The following RPS6KC1 variants were observed in gnomAD, a reference collection of about 807,000 sequenced individuals.
RPS6KC1 encodes the protein inactive ribosomal protein S6 kinase delta-1.
Under a neutral mutation model 103.8 loss-of-function variants are expected in RPS6KC1, and 54 were observed. The observed-to-expected ratio is 0.52, with a 90% CI of 0.42 to 0.65. The LOEUF is 0.65. RPS6KC1 is among the 30% of genes least tolerant of loss of function. The pLI, the probability that RPS6KC1 is intolerant of heterozygous loss-of-function variation, is 0.00. For synonymous variants in RPS6KC1, 439 were observed against 438.7 expected, an observed-to-expected ratio of 1.00 and a Z score of -0.01; for missense variants, 1,151 against 1,253.8, an observed-to-expected ratio of 0.92 and a Z score of 1.24.
intron 10 of RPS6KC1, among the ~76,000 whole-genome samples, chr1:213,235,284 G>C (rs1269323735): frequency 1.3e-5 from 2 of 152,166 alleles, no homozygotes; most frequent in Non-Finnish European, 2.9e-5. Context: ...CTGGGACACA[G>C]ACATAGTTCT....
the RPS6KC1 span, among the ~76,000 whole-genome samples, chr1:213,300,978 C>G: frequency 6.6e-6 from 1 of 152,136 alleles, no homozygotes; most frequent in Non-Finnish European, 1.5e-5. Flanking sequence ...CACACTCCAC[C>G]CTCACCCTGC....
At chr1:213,847,257 C>A in the RPS6KC1 span, among the ~76,000 whole-genome samples, 1 of 152,186 alleles carries the variant, frequency 6.6e-6, no homozygotes, top group African/African-American at 2.4e-5. Flanking sequence ...AGCAGGACTA[C>A]ATTTTCTACC....
At chr1:213,143,682 CATTTTA>C (rs1233083397) in intron 6 of RPS6KC1, among the ~76,000 whole-genome samples, 1 of 151,948 alleles carries the variant, frequency 6.6e-6, no homozygotes, top group Admixed American at 6.6e-5. Flanking sequence ...TTTTAAATCT[CATTTTA>C]TTAGTTTTCT....
At chr1:213,088,764 G>GTTCTGAATGATCTGAAGTAA (rs2080680138) in intron 3 of RPS6KC1, among the ~76,000 whole-genome samples, 4 of 152,186 alleles carry the variant, frequency 2.6e-5, no homozygotes, top group Non-Finnish European at 5.9e-5. Flanking sequence ...TTTAGGAAGA[G>GTTCTGAATGATCTGAAGTAA]TTCTGAATGA....
At chr1:213,318,020 C>T in the RPS6KC1 span, among the ~76,000 whole-genome samples, 1 of 152,356 alleles carries the variant, frequency 6.6e-6, no homozygotes, top group South Asian at 2.1e-4. Flanking sequence ...TCCTCTTGCC[C>T]AGCTTTGTGC....
intron 3 of RPS6KC1, among the ~76,000 whole-genome samples, chr1:213,097,810 C>T (rs959840857): frequency 9.2e-5 from 14 of 152,298 alleles, no homozygotes; most frequent in East Asian, 3.9e-4. Flanking sequence ...TTTTATGTTA[C>T]GGTGATGGCT....
At chr1:213,339,953 C>T in the RPS6KC1 span, among the ~76,000 whole-genome samples, 7 of 152,118 alleles carry the variant, frequency 4.6e-5, no homozygotes, top group Admixed American at 2.0e-4. Flanking sequence ...AGTGCAATGG[C>T]GCGATCTTGG....
chr1:213,768,233 C>T, the RPS6KC1 span, among the ~76,000 whole-genome samples: 58 of 152,224 alleles, frequency 3.8e-4, no homozygotes, highest in Admixed American at 1.6e-3. Context: ...ACACTCCTGA[C>T]GCTGACCAGT....
intron 6 of RPS6KC1, among the ~76,000 whole-genome samples, chr1:213,160,753 A>G (rs1431287505): frequency 6.6e-6 from 1 of 152,064 alleles, no homozygotes; most frequent in Non-Finnish European, 1.5e-5. Context: ...GCAAGGACAC[A>G]AAACCAAACA....
chr1:213,232,225 T>C lies in RPS6KC1; in HGVS notation c.1195T>C (p.Ser399Pro). The change falls in exon 10 of 15, where the codon TCA (serine) becomes CCA (proline). Residue 399 changes from serine (S) to proline (P), a missense_variant. Ser to Pro is a moderately conservative substitution (Grantham distance 74, BLOSUM62 -1). Transcript: ENST00000366960. ...GCATAAGTACATCATCTCTGAGGAG[T>C]CAGTATTTCTTGTGCTGCAGCATGC... ...CLHKYIISEE[S>P]VFLVLQHAEG... 6.2e-7 allele frequency: 1 copy of C among 1,613,830 alleles called. No individual in the cohort carries two copies. Among genetic ancestry groups the C allele is most frequent in the Non-Finnish European group, 8.5e-7 (1 of 1,179,844 alleles).
chr1:213,837,508 GA>G, the RPS6KC1 span, among the ~76,000 whole-genome samples: 4 of 152,188 alleles, frequency 2.6e-5, no homozygotes, highest in South Asian at 8.3e-4. Context: ...GCTCTCCACT[GA>G]AAATGTTTCA....
the RPS6KC1 span, among the ~76,000 whole-genome samples, chr1:213,448,768 CAA>C: frequency 0.21 from 27,172 of 131,842 alleles, 2,527 homozygotes; most frequent in East Asian, 0.27. Context: ...CAATCTGTTA[CAA>C]AAAAAAAAAA....
At chr1:213,759,296 C>T in the RPS6KC1 span, among the ~76,000 whole-genome samples, 1 of 152,108 alleles carries the variant, frequency 6.6e-6, no homozygotes, top group East Asian at 1.9e-4. Flanking sequence ...CTATTGCACA[C>T]TTAATAGACT....
intron 3 of RPS6KC1, among the ~76,000 whole-genome samples, chr1:213,103,252 A>G (rs1007242791): frequency 6.6e-6 from 1 of 151,928 alleles, no homozygotes; most frequent in Non-Finnish European, 1.5e-5. Flanking sequence ...TTATTTTGAC[A>G]TGGCTTTTAA....
At chr1:213,584,649 G>A in the RPS6KC1 span, among the ~76,000 whole-genome samples, 1 of 152,232 alleles carries the variant, frequency 6.6e-6, no homozygotes, top group African/African-American at 2.4e-5. Flanking sequence ...AAAAGAGAGA[G>A]GCTACGTTTT....
the RPS6KC1 span, chr1:213,837,292 C>A: frequency 6.6e-6 from 1 of 152,016 alleles, no homozygotes. Context: ...AACTGAAGCA[C>A]CTTCTGAAAA....
the RPS6KC1 span, among the ~76,000 whole-genome samples, chr1:213,591,794 A>G: frequency 6.6e-6 from 1 of 152,194 alleles, no homozygotes; most frequent in East Asian, 1.9e-4. Context: ...TTCTAGAATT[A>G]CAACTGAGGC....
chr1:213,707,142 T>A, the RPS6KC1 span, among the ~76,000 whole-genome samples: 8 of 152,202 alleles, frequency 5.3e-5, no homozygotes, highest in Non-Finnish European at 1.0e-4. Flanking sequence ...CCACAATGGT[T>A]GAACTAATTG....
intron 14 of RPS6KC1, among the ~76,000 whole-genome samples, chr1:213,271,918 T>C (rs2095056702): frequency 6.6e-6 from 1 of 152,146 alleles, no homozygotes; most frequent in African/African-American, 2.4e-5. Context: ...AATTTGACAT[T>C]ATTAAACCAC....
Sources: gnomAD v4.1 joint callset for allele counts (sites outside exome capture counted in the v4.1 genomes callset) on GRCh38, gnomAD v4.1.1 for gene constraint, MANE v1.5 for transcripts, NCBI Gene and HGNC (gene_info 2026-07-23, HGNC 2026-07-21) for gene names.